The following SNX17 variants were observed in gnomAD, a reference collection of about 807,000 sequenced individuals.
SNX17 encodes sorting nexin-17.
In SNX17, 35 loss-of-function variants were observed where a neutral mutation model predicts 64.3. That is an observed-to-expected ratio of 0.54 (90% CI 0.42 to 0.72). The LOEUF is 0.72. SNX17 is among the 30% of genes least tolerant of loss of function. SNX17 has a pLI of 0.00. For synonymous variants in SNX17, 259 were observed against 230.2 expected, an observed-to-expected ratio of 1.13 and a Z score of -1.13; for missense variants, 538 against 610.0, an observed-to-expected ratio of 0.88 and a Z score of 1.24.
At position 27,374,167 on chromosome 2, in the gene SNX17, C is replaced by G; in HGVS notation, c.515C>G (p.Ala172Gly). 1.2e-6 allele frequency: 2 copies of G among 1,613,700 alleles called. No individual in the cohort carries two copies. Among genetic ancestry groups the G allele is most frequent in the Middle Eastern group, 1.7e-4 (1 of 6,060 alleles). ...TTAGTTCGAGAAAAAGAGGATGGAG[C>G]CTTTTCTTGTGAGTTTCTCTGGACT... is the stretch of plus-strand genomic sequence containing the variant. ...LFLVREKEDG[A>G]FSFVRKLQEF... Residue 172 changes from alanine (A) to glycine (G), a missense_variant, in exon 6 of 15, where the codon GCC (alanine) becomes GGC (glycine). Ala to Gly is a moderately conservative substitution (Grantham distance 60). Around this residue, in one of 3 missense-constraint regions of SNX17, gnomAD observed 505 missense variants for 550.4 expected, o/e 0.92. Transcript: ENST00000233575.
In SNX17 at chr2:27,376,149, T is replaced by A; in HGVS notation, c.1148T>A (p.Leu383Gln). ...SICLQSMVDE[L>Q]MVKKSGGSIR... is the part of the protein sequence containing the mutation. ...TGCTTGCAGTCCATGGTTGATGAACTGATGGTGAAGAAATCTGGCGGCAGT... is the reference window on the plus strand; with the variant it reads ...TGCTTGCAGTCCATGGTTGATGAACAGATGGTGAAGAAATCTGGCGGCAGT... Residue 383 changes from leucine to glutamine, a missense_variant, in exon 12 of 15, where the codon CTG (leucine) becomes CAG (glutamine). Around this residue, in one of 3 missense-constraint regions of SNX17, gnomAD observed 505 missense variants for 550.4 expected, o/e 0.92. Coordinates refer to ENST00000233575, the MANE Select transcript of SNX17 (RefSeq NM_014748.4). 1 of 1,614,106 alleles carries A rather than the reference T, an allele frequency of 6.2e-7. No homozygotes were observed. The highest frequency in any genetic ancestry group is 8.5e-7 in the Non-Finnish European group (1 of 1,180,022).
At position 27,374,390 on chromosome 2, in the gene SNX17, A is replaced by G; in HGVS notation, c.568A>G (p.Thr190Ala). The G allele has an allele frequency of 6.2e-7, 1 of 1,613,182 alleles. No homozygotes were observed. The highest frequency in any genetic ancestry group is 1.1e-5 in the South Asian group (1 of 91,054). ...GTTTGAGCTGCCTTATGTGTCTGTC[A>G]CCAGCCTTCGGAGTCAAGAGTATAA... ...QEFELPYVSV[T>A]SLRSQEYKIV... Residue 190 changes from threonine to alanine, a missense_variant, in exon 7 of 15, where the codon ACC becomes GCC. Physicochemically the swap from Thr to Ala is moderately conservative, Grantham distance 58. Coordinates refer to ENST00000233575, the MANE Select transcript of SNX17 (RefSeq NM_014748.4).
rs1383862784 is a variant in SNX17 at position 27,377,052 on chromosome 2, G to A, written c.*333G>A. The A allele has an allele frequency of 3.4e-5, 14 of 414,854 alleles. No individual in the cohort carries two copies. The highest frequency in any genetic ancestry group is 5.8e-5 in the Non-Finnish European group (13 of 222,892). 25.7% of individuals were successfully genotyped at this position (414,854 alleles called of 1,614,324 possible). A position where few individuals can be genotyped will look rare whatever the true frequency, so the allele number is the denominator to read the frequency against. ...TGGCCTCTTGGAGCCATGGGCCAAA[G>A]GCCAAGGGGATGGGCAGAGGTCTGT... On this transcript the variant is annotated 3_prime_UTR_variant, in exon 15 of 15. Transcript: ENST00000233575. The surrounding 1 kb of genome is among the most constrained non-coding windows in gnomAD (Gnocchi z 4.4).
At position 27,373,919 on chromosome 2, in the gene SNX17, A is replaced by G; in HGVS notation, c.380A>G (p.Gln127Arg). Residue 127 changes from glutamine to arginine, a missense_variant, in exon 5 of 15, where the codon CAG (glutamine) becomes CGG (arginine). Around this residue, in one of 3 missense-constraint regions of SNX17, gnomAD observed 505 missense variants for 550.4 expected, o/e 0.92. Transcript: ENST00000233575. ...VSLEVLLSNG[Q>R]KVLVNVLTSD... The stretch of plus-strand genomic sequence containing the variant: ...TTGGAAGTGCTGCTCAGCAACGGGC[A>G]GAAAGTTCTGGTCAACGTGCTAACT... 1 of 1,614,194 alleles carries G rather than the reference A, an allele frequency of 6.2e-7. No homozygotes were observed. Among genetic ancestry groups the G allele is most frequent in the Non-Finnish European group, 8.5e-7 (1 of 1,180,038 alleles).
At chr2:27,372,969 C>T (rs1682790141) in intron 3 of SNX17, 6 of 1,393,330 alleles carry the variant, frequency 4.3e-6, no homozygotes, top group African/African-American at 2.9e-5. Flanking sequence ...TAACACTAGT[C>T]TTAATATCAG....
chr2:27,374,029 G>C (rs1354662705), intron 5 of SNX17, 56 bp from the exon 6 acceptor site: 2 of 1,609,846 alleles, frequency 1.2e-6, no homozygotes, highest in East Asian at 4.5e-5. Context: ...TCCTGGGCTT[G>C]GAGAATGATT....
In SNX17 at chr2:27,377,516, G is replaced by T. The variant is rs148848066; in HGVS notation, c.*797G>T. 1.2e-6 allele frequency: 2 copies of T among 1,610,836 alleles called. No individual in the cohort carries two copies. The highest frequency in any genetic ancestry group is 1.7e-6 in the Non-Finnish European group (2 of 1,177,434). On this transcript the variant is annotated 3_prime_UTR_variant, in exon 15 of 15. Transcript: ENST00000233575. The surrounding 1 kb of genome is among the most constrained non-coding windows in gnomAD (Gnocchi z 4.4). Reference sequence around the variant, plus strand: ...GAAAAAGGTGGCTTCTGGTCCGTCTGTATAAAACATGGGGAAGAAGGACCT... The same window carrying T: ...GAAAAAGGTGGCTTCTGGTCCGTCTTTATAAAACATGGGGAAGAAGGACCT...
Position 27,376,300 on chromosome 2 carries a change from TGTC to T in SNX17, c.1183-12_1183-10del. ...TGATCCTGCCCTCACCGGCACCTTG[TGTC>T]TGTCCCCAGATGCTGCGCCGGCGGG... On this transcript the variant is annotated splice_polypyrimidine_tract_variant and intron_variant, in intron 12 of 14. Transcript: ENST00000233575. The T allele has an allele frequency of 6.2e-7, 1 of 1,611,944 alleles. No individual in the cohort carries two copies. Among genetic ancestry groups the T allele is most frequent in the Non-Finnish European group, 8.5e-7 (1 of 1,178,478 alleles).
rs1012982697 is a variant in SNX17, at chr2:27,372,668, A to G, written c.184A>G (p.Lys62Glu). 4 of 1,614,084 alleles carry G rather than the reference A, an allele frequency of 2.5e-6. No individual in the cohort carries two copies. Among genetic ancestry groups the G allele is most frequent in the African/African-American group, 1.3e-5 (1 of 74,926 alleles). ...GANVLPAFPP[K>E]KLFSLTPAEV... ...CAATGTGCTTCCTGCATTCCCCCCA[A>G]AGAAGCTTTTCTCTCTGACTCCTGC... Residue 62 changes from lysine (K) to glutamate (E), a missense_variant, in exon 3 of 15, where the codon AAG becomes GAG. Lys to Glu is a moderately conservative substitution (Grantham distance 56, BLOSUM62 1). Around this residue, in one of 3 missense-constraint regions of SNX17, gnomAD observed 505 missense variants for 550.4 expected, o/e 0.92. Transcript: ENST00000233575.
chr2:27,374,085 G>T lies in SNX17; in HGVS notation c.433G>T (p.Ala145Ser). The change falls in exon 6 of 15, where the codon GCT becomes TCT. Residue 145 changes from alanine to serine, a missense_variant and splice_region_variant. Around this residue, in one of 3 missense-constraint regions of SNX17, gnomAD observed 505 missense variants for 550.4 expected, o/e 0.92. Coordinates refer to ENST00000233575, the MANE Select transcript of SNX17 (RefSeq NM_014748.4). ...GCTGTACTTCTATCCCTATCCCCAG[G>T]CTGTAGCTGCAAAGCTGGATCTTCC... ...TSDQTEDVLE[A>S]VAAKLDLPDD... 1.2e-6 allele frequency: 2 copies of T among 1,614,114 alleles called. No homozygotes were observed. Among genetic ancestry groups the T allele is most frequent in the South Asian group, 2.2e-5 (2 of 91,074 alleles).
intron 3 of SNX17, 112 bp from the exon 4 acceptor site, chr2:27,373,135 G>T: frequency 6.2e-6 from 10 of 1,600,604 alleles, no homozygotes; most frequent in Non-Finnish European, 8.5e-6. Context: ...TGGGGGATGT[G>T]GCAGGCCACC....
At position 27,374,661 on chromosome 2, in the gene SNX17, TACCCCTTTCC is replaced by T; in HGVS notation, c.612-20_612-11del. The T allele has an allele frequency of 6.2e-7, 1 of 1,610,202 alleles. No homozygotes were observed. Among genetic ancestry groups the T allele is most frequent in the Non-Finnish European group, 8.5e-7 (1 of 1,176,470 alleles). On this transcript the variant is annotated intron_variant, in intron 7 of 14. Transcript: ENST00000233575. ...TTGCCTTAACCCAGCTTAGCCCCAT[TACCCCTTTCC>T]ACCCCTTGGCCTCACAGTTATTGGG...
chr2:27,375,826 A>G lies in SNX17; in HGVS notation c.979-20A>G, dbSNP rs1367378811. 1 of 1,613,084 alleles carries G rather than the reference A, an allele frequency of 6.2e-7. No homozygotes were observed. Among genetic ancestry groups the G allele is most frequent in the Admixed American group, 1.7e-5 (1 of 59,990 alleles). On this transcript the variant is annotated intron_variant, in intron 10 of 14. Coordinates refer to ENST00000233575, the MANE Select transcript of SNX17 (RefSeq NM_014748.4). This position sits in a 1 kb window ranked among gnomAD's most constrained non-coding sequence, Gnocchi z 4.1. ...AGGTTGGTCAGAGTGAACTCAACCGAATTCCCCTTCCTCTCCCAGGTACCA... is the reference window on the plus strand; with the variant it reads ...AGGTTGGTCAGAGTGAACTCAACCGGATTCCCCTTCCTCTCCCAGGTACCA...
At position 27,372,316 on chromosome 2, in the gene SNX17, G is replaced by A. The variant is rs914401845; in HGVS notation, c.139-307G>A. On this transcript the variant is annotated intron_variant, in intron 2 of 14. Coordinates refer to ENST00000233575, the MANE Select transcript of SNX17 (RefSeq NM_014748.4). Reference sequence around the variant, plus strand: ...TTATAAAGCCCTTTCCTTCCTTTAAGGGTTCAGTGAACAGTCTTGCTAGGT... The same window carrying A: ...TTATAAAGCCCTTTCCTTCCTTTAAAGGTTCAGTGAACAGTCTTGCTAGGT... Among the ~76,000 whole-genome samples the A allele has an allele frequency of 7.2e-5, 11 of 152,306 alleles. No homozygotes were observed. The East Asian group carries it at 1.9e-3, about 27-fold the overall frequency.
chr2:27,376,459 C>G lies in SNX17; in HGVS notation c.1258-20C>G, dbSNP rs778609419. The G allele has an allele frequency of 6.2e-7, 1 of 1,614,164 alleles. No individual in the cohort carries two copies. Among genetic ancestry groups the G allele is most frequent in the South Asian group, 1.1e-5 (1 of 91,074 alleles). On this transcript the variant is annotated intron_variant, in intron 13 of 14. Coordinates refer to ENST00000233575, the MANE Select transcript of SNX17 (RefSeq NM_014748.4). ...ACCTCTCCTAGTGAGTTTCTGACACCTCTGCCTCTTCTTCCCCAGGAGTCA... is the reference window on the plus strand; with the variant it reads ...ACCTCTCCTAGTGAGTTTCTGACACGTCTGCCTCTTCTTCCCCAGGAGTCA...
In SNX17 at chr2:27,376,622, T is replaced by G; in HGVS notation, c.1316T>G (p.Val439Gly). Residue 439 changes from valine (V) to glycine (G), a missense_variant, in exon 15 of 15, where the codon GTG (valine) becomes GGG (glycine). Physicochemically the swap from Val to Gly is moderately radical, Grantham distance 109. Around this residue, in one of 3 missense-constraint regions of SNX17, gnomAD observed 505 missense variants for 550.4 expected, o/e 0.92. Transcript: ENST00000233575. The part of the protein sequence containing the change: ...MVKLSSKLSA[V>G]SLRGIGSPST... ...TTGTTACAGAGTAAGCTGAGTGCCG[T>G]GAGCTTGCGGGGAATTGGCAGTCCC... is the stretch of plus-strand genomic sequence containing the variant. 4 of 1,614,192 alleles carry G rather than the reference T, an allele frequency of 2.5e-6. No individual in the cohort carries two copies. The highest frequency in any genetic ancestry group is 3.4e-6 in the Non-Finnish European group (4 of 1,180,022).
In SNX17 at chr2:27,375,044, C is replaced by T. The variant is rs764348256; in HGVS notation, c.682-17C>T. ...TGACTGGGACCTCCTACTGCCTGCCCCTTGTCTCTACTATAGACGGTATCA... is the reference window on the plus strand; with the variant it reads ...TGACTGGGACCTCCTACTGCCTGCCTCTTGTCTCTACTATAGACGGTATCA... On this transcript the variant is annotated splice_polypyrimidine_tract_variant and intron_variant, in intron 8 of 14. Transcript: ENST00000233575. This position sits in a 1 kb window ranked among gnomAD's most constrained non-coding sequence, Gnocchi z 4.1. The T allele has an allele frequency of 6.2e-6, 10 of 1,611,602 alleles. No homozygotes were observed. Among genetic ancestry groups the T allele is most frequent in the Admixed American group, 1.7e-5 (1 of 60,004 alleles).
chr2:27,373,986 C>T lies in SNX17; in HGVS notation c.432+15C>T. On this transcript the variant is annotated intron_variant, in intron 5 of 14. Coordinates refer to ENST00000233575, the MANE Select transcript of SNX17 (RefSeq NM_014748.4). ...ATGTCCTGGAGGTGAGGCGCTTGTT[C>T]AGCACTGCCCCTTCTTCCCCTACAT... is the stretch of plus-strand genomic sequence containing the variant. 6.2e-7 allele frequency: 1 copy of T among 1,611,770 alleles called. No homozygotes were observed. The highest frequency in any genetic ancestry group is 8.5e-7 in the Non-Finnish European group (1 of 1,177,814).
chr2:27,373,165 TC>T (rs2148397079), intron 3 of SNX17, 81 bp from the exon 4 acceptor site: 1 of 1,607,792 alleles, frequency 6.2e-7, no homozygotes, highest in Admixed American at 1.7e-5. Flanking sequence ...GGAAATGGGG[TC>T]GGGGGAACCT....
Sources: allele counts gnomAD v4.1 joint callset (sites outside exome capture counted in the v4.1 genomes callset), GRCh38; gene constraint gnomAD v4.1.1; regional missense constraint gnomAD v4.1.1; non-coding constraint Gnocchi (gnomAD v3.1); transcripts MANE v1.5; gene names NCBI Gene and HGNC (gene_info 2026-07-23, HGNC 2026-07-21).